The following MASP2 variants were observed in gnomAD, a reference collection of about 807,000 sequenced individuals.
MASP2 encodes the protein mannan-binding lectin serine protease 2.
In MASP2, 49 loss-of-function variants were observed where a neutral mutation model predicts 57.1. That is an observed-to-expected ratio of 0.86 (90% CI 0.68 to 1.09). The LOEUF is 1.09. Among genes scored for constraint, MASP2 ranks in the 50% least tolerant of loss-of-function variants. The pLI is 0.00. For missense variants in MASP2, 900 were observed against 874.8 expected, an observed-to-expected ratio of 1.03 and a Z score of -0.36; for synonymous variants, 379 against 340.8, an observed-to-expected ratio of 1.11 and a Z score of -1.24.
intron 10 of MASP2, among the ~76,000 whole-genome samples, chr1:11,028,853 A>G (rs1240631899): frequency 1.3e-5 from 2 of 151,190 alleles, no homozygotes; most frequent in Non-Finnish European, 2.9e-5. Context: ...AGCTGGGACT[A>G]CAGGCACACG....
chr1:11,033,192 G>A (rs1643865592), intron 8 of MASP2, among the ~76,000 whole-genome samples: 1 of 152,026 alleles, frequency 6.6e-6, no homozygotes, highest in Non-Finnish European at 1.5e-5. Context: ...GCCGGGCGTG[G>A]TAGCACATGC....
At chr1:11,035,783 C>A (rs1005194519) in intron 7 of MASP2, among the ~76,000 whole-genome samples, 3 of 151,498 alleles carry the variant, frequency 2.0e-5, no homozygotes, top group Non-Finnish European at 4.4e-5. Flanking sequence ...GTAGTCCCAG[C>A]TACTTGGGAG....
chr1:11,036,526 A>AAAAAAAAAC (rs1638241424), intron 7 of MASP2, among the ~76,000 whole-genome samples: 1 of 139,080 alleles, frequency 7.2e-6, no homozygotes, highest in African/African-American at 3.1e-5. Context: ...AAAAAAAAAA[A>AAAAAAAAAC]AAAAAAAAAA....
Position 11,034,835 on chromosome 1 carries a change from C to T in MASP2, c.1080G>A (p.Ala360=), listed in dbSNP as rs774776055. ...KDGSWDRPMP[A]CSIVDCGPPD... ...GTCACCACACGACCGTACTGCTGCACGCGGGCATTGGCCGGTCCCAAGATC... is the reference window on the plus strand; with the variant it reads ...GTCACCACACGACCGTACTGCTGCATGCGGGCATTGGCCGGTCCCAAGATC... Residue 360 remains alanine (A), a synonymous_variant, in exon 8 of 11, where the codon GCG becomes GCA. Coordinates refer to ENST00000400897, the MANE Select transcript of MASP2 (RefSeq NM_006610.4). 27 of 1,611,306 alleles carry T rather than the reference C, an allele frequency of 1.7e-5. No individual in the cohort carries two copies. The highest frequency in any genetic ancestry group is 1.7e-4 in the Middle Eastern group (1 of 6,056).
chr1:11,028,697 G>GTTTTTTGTT (rs1570734338), intron 10 of MASP2, among the ~76,000 whole-genome samples: 2 of 36,164 alleles, frequency 5.5e-5, no homozygotes, highest in East Asian at 1.9e-3. Flanking sequence ...ATCTTTCTGG[G>GTTTTTTGTT]TTTTTTTTCT....
chr1:11,028,820 TCTC>T (rs1348965556), intron 10 of MASP2, among the ~76,000 whole-genome samples: 1 of 150,514 alleles, frequency 6.6e-6, no homozygotes, highest in Non-Finnish European at 1.5e-5. Context: ...TTCATGCCAT[TCTC>T]CTGCCTCAGC....
intron 10 of MASP2, among the ~76,000 whole-genome samples, chr1:11,028,858 C>T (rs1157575296): frequency 1.3e-5 from 2 of 151,448 alleles, no homozygotes; most frequent in Admixed American, 1.3e-4. Context: ...GGACTACAGG[C>T]ACACGCCACC....
chr1:11,028,689 CT>C (rs938980074), intron 10 of MASP2, among the ~76,000 whole-genome samples: 1 of 136,490 alleles, frequency 7.3e-6, no homozygotes. Flanking sequence ...ATATTACTAT[CT>C]TTCTGGGTTT....
intron 3 of MASP2, 96 bp from the exon 4 acceptor site, chr1:11,045,635 C>T: frequency 7.2e-7 from 1 of 1,389,140 alleles, no homozygotes; most frequent in Non-Finnish European, 9.7e-7. Flanking sequence ...CAGAGTGGAC[C>T]TCAGAGGAGG....
Position 11,043,428 on chromosome 1 carries a change from C to T in MASP2, c.652G>A (p.Glu218Lys). 1.2e-6 allele frequency: 2 copies of T among 1,611,026 alleles called. No individual in the cohort carries two copies. The highest frequency in any genetic ancestry group is 1.1e-5 in the South Asian group (1 of 90,338). The change falls in exon 5 of 11, where the codon GAG becomes AAG. Residue 218 changes from glutamate (E) to lysine (K), a missense_variant. Glu to Lys is a moderately conservative substitution (Grantham distance 56). Transcript: ENST00000400897. ...TCCAGAATGACACTGAACCCCTCCT[C>T]CAGGCTGATGCTGTAAGTGCAACTG... ...LSSCTYSISL[E>K]EGFSVILDFV...
chr1:11,045,277 G>T, intron 4 of MASP2, 131 bp downstream of exon 4: 22 of 1,348,996 alleles, frequency 1.6e-5, no homozygotes, highest in Non-Finnish European at 2.3e-5. Flanking sequence ...GGAGCTGGAG[G>T]CAGCAGGGCC....
chr1:11,028,678 T>C (rs541857815), intron 10 of MASP2, among the ~76,000 whole-genome samples: 1 of 150,508 alleles, frequency 6.6e-6, no homozygotes, highest in Admixed American at 6.7e-5. Flanking sequence ...GGGTAATTAA[T>C]ATATTACTAT....
rs780191217 is a variant in MASP2 at position 11,043,434 on chromosome 1, T to A, written c.646A>T (p.Ser216Cys). 9 of 1,610,908 alleles carry A rather than the reference T, an allele frequency of 5.6e-6. No individual in the cohort carries two copies. The Admixed American group carries it at 8.4e-5, about 15-fold the overall frequency. ...PKLSSCTYSISLEEGFSVILD... is the reference protein window; with the variant it reads ...PKLSSCTYSICLEEGFSVILD... ...ATGACACTGAACCCCTCCTCCAGGCTGATGCTGTAAGTGCAACTGGAGAGT... is the reference window on the plus strand; with the variant it reads ...ATGACACTGAACCCCTCCTCCAGGCAGATGCTGTAAGTGCAACTGGAGAGT... The change falls in exon 5 of 11, where the codon AGC becomes TGC. Residue 216 changes from serine to cysteine, a missense_variant. Ser to Cys is a moderately radical substitution (Grantham distance 112). Transcript: ENST00000400897.
At chr1:11,045,241 T>C in intron 4 of MASP2, 167 bp downstream of exon 4, 1 of 1,007,380 alleles carries the variant, frequency 9.9e-7, no homozygotes, top group African/African-American at 1.6e-5. Context: ...GCCTGGCTGC[T>C]GAGAGGGGAA....
chr1:11,030,640 A>T, intron 9 of MASP2, 108 bp downstream of exon 9: 2 of 1,267,634 alleles, frequency 1.6e-6, no homozygotes, highest in Non-Finnish European at 2.1e-6. Context: ...AGTGGCTTTT[A>T]ATCTTTTGTC....
At position 11,030,261 on chromosome 1, in the gene MASP2, T is replaced by C. The variant is rs776401799; in HGVS notation, c.1223-11A>G. On this transcript the variant is annotated splice_polypyrimidine_tract_variant and intron_variant, in intron 9 of 10. Coordinates refer to ENST00000400897, the MANE Select transcript of MASP2 (RefSeq NM_006610.4). ...CACACACATATTTACCTGCAAATCA[T>C]TGGAAAAGCAAAAATGTTTAACTGC... is the stretch of plus-strand genomic sequence containing the variant. The C allele has an allele frequency of 1.2e-5, 20 of 1,604,968 alleles. No individual in the cohort carries two copies. Among genetic ancestry groups the C allele is most frequent in the East Asian group, 4.5e-5 (2 of 44,810 alleles).
At chr1:11,044,936 G>T (rs747671212) in intron 4 of MASP2, 1 of 1,609,120 alleles carries the variant, frequency 6.2e-7, no homozygotes, top group South Asian at 1.1e-5. Context: ...AGCTCCAGGG[G>T]AGGCTAGAGG....
In MASP2 at chr1:11,033,371, G is replaced by T. The variant is rs566207551; in HGVS notation, c.1087+1457C>A. Among the ~76,000 whole-genome samples the T allele has an allele frequency of 3.3e-5, 5 of 151,980 alleles. No homozygotes were observed. The South Asian group carries it at 1.0e-3, about 32-fold the overall frequency. On this transcript the variant is annotated intron_variant, in intron 8 of 10. Coordinates refer to ENST00000400897, the MANE Select transcript of MASP2 (RefSeq NM_006610.4). ...AGAAAAAAATATTGTCAGGCTGGGC[G>T]CTGTGGCTCATGCCTGTACTACTAG...
intron 10 of MASP2, chr1:11,029,799 C>T (rs1473131035): frequency 3.7e-5 from 6 of 164,212 alleles, no homozygotes; most frequent in Admixed American, 6.2e-5. Context: ...CCACCACACC[C>T]GGCTAATTTT....
Sources: allele counts gnomAD v4.1 joint callset (sites outside exome capture counted in the v4.1 genomes callset), GRCh38; gene constraint gnomAD v4.1.1; transcripts MANE v1.5; gene names NCBI Gene and HGNC (gene_info 2026-07-23, HGNC 2026-07-21).